The following SEMA5A variants were observed in gnomAD, a reference collection of about 807,000 sequenced individuals.
SEMA5A encodes the protein semaphorin-5A.
In SEMA5A, 55 loss-of-function variants were observed where a neutral mutation model predicts 135.5. The ratio of observed to expected loss-of-function variants is 0.41; its 90% CI spans 0.33 to 0.51. The LOEUF is 0.51. Among genes scored for constraint, SEMA5A ranks in the 20% least tolerant of loss-of-function variants. The pLI, the probability that SEMA5A is intolerant of heterozygous loss-of-function variation, is 0.37. For synonymous variants in SEMA5A, 580 were observed against 546.5 expected (o/e 1.06, Z -0.85); for missense variants, 1,290 against 1,419.9 (o/e 0.91, Z 1.47).
intron 1 of SEMA5A, among the ~76,000 whole-genome samples, chr5:9,493,527 C>T (rs1735145695): frequency 6.6e-6 from 1 of 152,014 alleles, no homozygotes; most frequent in South Asian, 2.1e-4. Flanking sequence ...TACAGTATTT[C>T]TGTTTATAAA....
chr5:9,052,302 T>C (rs1427008831), intron 19 of SEMA5A, among the ~76,000 whole-genome samples: 1 of 152,208 alleles, frequency 6.6e-6, no homozygotes, highest in East Asian at 1.9e-4. Context: ...AAAGTAATTG[T>C]ATTTAGACAC....
chr5:9,205,789 A>G (rs1477900173), intron 8 of SEMA5A, among the ~76,000 whole-genome samples: 2 of 152,168 alleles, frequency 1.3e-5, no homozygotes, highest in Non-Finnish European at 2.9e-5. Flanking sequence ...GAAACACATC[A>G]TGCGGCCCTA....
intron 1 of SEMA5A, among the ~76,000 whole-genome samples, chr5:9,448,657 C>T (rs1054082441): frequency 1.5e-4 from 23 of 152,324 alleles, no homozygotes; most frequent in African/African-American, 5.5e-4. Flanking sequence ...AAACTAAATC[C>T]AGATCTCTGT....
chr5:9,320,191 C>T (rs1752565934), intron 4 of SEMA5A, among the ~76,000 whole-genome samples: 1 of 152,162 alleles, frequency 6.6e-6, no homozygotes, highest in African/African-American at 2.4e-5. Context: ...ACACTCTTTC[C>T]ACCTTTCAAA....
At chr5:9,401,520 T>C (rs987429176) in intron 2 of SEMA5A, among the ~76,000 whole-genome samples, 1 of 152,196 alleles carries the variant, frequency 6.6e-6, no homozygotes, top group African/African-American at 2.4e-5. Context: ...TGTGGTCCTC[T>C]TCTCAGCTCC....
intron 8 of SEMA5A, among the ~76,000 whole-genome samples, chr5:9,221,453 C>T (rs1034773414): frequency 6.6e-5 from 10 of 151,608 alleles, no homozygotes; most frequent in Non-Finnish European, 1.3e-4. Flanking sequence ...CAGGCGCCCA[C>T]CACCACGCCC....
At chr5:9,119,259 G>GA in intron 14 of SEMA5A, 118 bp from the exon 15 acceptor site, 1 of 1,234,194 alleles carries the variant, frequency 8.1e-7, no homozygotes. Context: ...GGCTGCTCAG[G>GA]AGAGAAAACA....
Position 9,221,875 on chromosome 5 carries a change from A to G in SEMA5A, c.646+2799T>C, listed in dbSNP as rs527408803. On this transcript the variant is annotated intron_variant, in intron 8 of 22. Coordinates refer to ENST00000382496, the MANE Select transcript of SEMA5A (RefSeq NM_003966.3). The stretch of plus-strand genomic sequence containing the variant: ...AATCCCTGGGAGAGGCTGGGAGAGG[A>G]CTGGAGTGGGGGTAGTTGCAAGGGG... Among the ~76,000 whole-genome samples the G allele has an allele frequency of 2.9e-3, 440 of 152,170 alleles. 1 individual carries two copies. Among genetic ancestry groups the G allele is most frequent in the Admixed American group, 8.1e-3 (124 of 15,282 alleles).
chr5:9,211,182 TAAG>T (rs1265745641), intron 8 of SEMA5A, among the ~76,000 whole-genome samples: 1 of 152,146 alleles, frequency 6.6e-6, no homozygotes, highest in African/African-American at 2.4e-5. Context: ...TAAACTTGAA[TAAG>T]ATATCAGCCT....
intron 16 of SEMA5A, among the ~76,000 whole-genome samples, chr5:9,092,689 G>A (rs551306660): frequency 5.3e-5 from 8 of 152,206 alleles, no homozygotes; most frequent in Admixed American, 1.3e-4. Context: ...ATTTTAGTGT[G>A]AAGAATCTCT....
At chr5:9,169,211 C>T (rs1743777825) in intron 11 of SEMA5A, among the ~76,000 whole-genome samples, 1 of 152,234 alleles carries the variant, frequency 6.6e-6, no homozygotes, top group African/African-American at 2.4e-5. Flanking sequence ...ACTGTGTGAC[C>T]TCCTGGGTAT....
intron 12 of SEMA5A, among the ~76,000 whole-genome samples, chr5:9,149,081 G>A (rs902392925): frequency 1.2e-4 from 18 of 152,254 alleles, no homozygotes; most frequent in African/African-American, 3.6e-4. Flanking sequence ...CTCATTTTCT[G>A]CTCTTTTTTT....
chr5:9,142,097 A>C (rs1742095131), intron 12 of SEMA5A, among the ~76,000 whole-genome samples: 1 of 152,202 alleles, frequency 6.6e-6, no homozygotes, highest in Non-Finnish European at 1.5e-5. Context: ...AGAACTTCCC[A>C]TTTGGTTAAG....
At chr5:9,218,625 A>C (rs144785635) in intron 8 of SEMA5A, among the ~76,000 whole-genome samples, 3 of 152,282 alleles carry the variant, frequency 2.0e-5, no homozygotes, top group East Asian at 3.9e-4. Context: ...TTTCCTCAAC[A>C]CAAAAATGTT....
chr5:9,058,538 A>C (rs1359380340), intron 18 of SEMA5A, among the ~76,000 whole-genome samples: 1 of 152,258 alleles, frequency 6.6e-6, no homozygotes, highest in Non-Finnish European at 1.5e-5. Flanking sequence ...ATTTTTGATA[A>C]AATGAAATTT....
intron 3 of SEMA5A, among the ~76,000 whole-genome samples, chr5:9,364,970 A>G (rs1043105396): frequency 2.6e-5 from 4 of 152,228 alleles, no homozygotes; most frequent in Non-Finnish European, 5.9e-5. Context: ...CTATTTAATA[A>G]AACATGTATT....
At chr5:9,461,331 T>C (rs1017123839) in intron 1 of SEMA5A, among the ~76,000 whole-genome samples, 2 of 152,208 alleles carry the variant, frequency 1.3e-5, no homozygotes, top group Non-Finnish European at 2.9e-5. Context: ...TGGAAGATTA[T>C]AACTTAGGAA....
chr5:9,467,062 C>A (rs1759287238), intron 1 of SEMA5A, among the ~76,000 whole-genome samples: 1 of 152,202 alleles, frequency 6.6e-6, no homozygotes, highest in African/African-American at 2.4e-5. Context: ...CCCTTCTCAT[C>A]TTTTGAGCTA....
At position 9,545,100 on chromosome 5, in the gene SEMA5A, C is replaced by G. The variant is rs1053297514; in HGVS notation, c.-175+484G>C. ...GCCCAAGTCCCATTGCCTCCCGGTT[C>G]CCCTGTAAGGAAAGCAGGAAAACCT... On this transcript the variant is annotated intron_variant, in intron 1 of 22. Coordinates refer to ENST00000382496, the MANE Select transcript of SEMA5A (RefSeq NM_003966.3). This position sits in a 1 kb window ranked among gnomAD's most constrained non-coding sequence, Gnocchi z 4.5. 6.6e-6 allele frequency among the ~76,000 whole-genome samples: 1 copy of G among 152,162 alleles called. No individual in the cohort carries two copies. The highest frequency in any genetic ancestry group is 2.4e-5 in the African/African-American group (1 of 41,454).
Sources: allele counts gnomAD v4.1 joint callset (sites outside exome capture counted in the v4.1 genomes callset), GRCh38; gene constraint gnomAD v4.1.1; non-coding constraint Gnocchi (gnomAD v3.1); transcripts MANE v1.5; gene names NCBI Gene and HGNC (gene_info 2026-07-23, HGNC 2026-07-21).